Variants in ZNF676 observed in about 807,000 individuals in gnomAD.
ZNF676 encodes the protein zinc finger protein 676.
In ZNF676, 4 loss-of-function variants were observed where a neutral mutation model predicts 6.0. That is an observed-to-expected ratio of 0.67 (90% CI 0.33 to 1.53). The LOEUF (loss-of-function observed/expected upper bound fraction) is 1.53. Among genes scored for constraint, ZNF676 ranks in the 40% most tolerant of loss-of-function variants. The pLI, the probability that ZNF676 is intolerant of heterozygous loss-of-function variation, is 0.06. For synonymous variants in ZNF676, 198 were observed against 223.1 expected, an observed-to-expected ratio of 0.89 and a Z score of 1.00; for missense variants, 644 against 679.7, an observed-to-expected ratio of 0.95 and a Z score of 0.58.
chr19:22,230,228 C>T, the ZNF676 span, among the ~76,000 whole-genome samples: 1 of 152,138 alleles, frequency 6.6e-6, no homozygotes, highest in African/African-American at 2.4e-5. Context: ...AACCATAATT[C>T]TCAGCAAACT....
the ZNF676 span, among the ~76,000 whole-genome samples, chr19:22,252,862 C>T: frequency 6.6e-6 from 1 of 152,192 alleles, no homozygotes; most frequent in Non-Finnish European, 1.5e-5. Flanking sequence ...TGAGCCCAGG[C>T]AGGAGCATAA....
chr19:22,232,088 G>C, the ZNF676 span, among the ~76,000 whole-genome samples: 1 of 152,064 alleles, frequency 6.6e-6, no homozygotes, highest in East Asian at 1.9e-4. Flanking sequence ...CATTAGGCTT[G>C]CAAAATATAT....
At position 22,205,100 on chromosome 19, in the gene ZNF676, G is replaced by A. The variant is rs554315813; in HGVS notation, c.4-8374C>T. 2.0e-5 allele frequency among the ~76,000 whole-genome samples: 3 copies of A among 152,082 alleles called. No individual in the cohort carries two copies. In the South Asian group the frequency reaches 6.2e-4, roughly 32 times the overall value. On this transcript the variant is annotated intron_variant, in intron 1 of 3. Coordinates refer to the ZNF676 transcript ENST00000650058. ...GTGTGCACTTAAAAGAATGTTTATG[G>A]GGGGAAAAGCAGAAGAGAGAAAATT...
At chr19:22,188,007 T>C (rs2023861132) in intron 2 of ZNF676, among the ~76,000 whole-genome samples, 1 of 152,106 alleles carries the variant, frequency 6.6e-6, no homozygotes, top group Admixed American at 6.6e-5. Flanking sequence ...CCATAACTCA[T>C]TTTATGAGGC....
the ZNF676 span, among the ~76,000 whole-genome samples, chr19:22,257,106 A>T: frequency 6.6e-6 from 1 of 152,150 alleles, no homozygotes; most frequent in Non-Finnish European, 1.5e-5. Flanking sequence ...TGGGACAGGA[A>T]TATGTTGCAA....
chr19:22,237,160 G>C, the ZNF676 span, among the ~76,000 whole-genome samples: 1 of 152,278 alleles, frequency 6.6e-6, no homozygotes, highest in African/African-American at 2.4e-5. Flanking sequence ...ATCCCAATGT[G>C]CCTAAGCCTT....
chr19:22,197,737 T>A (rs1470935844), upstream of ZNF676, among the ~76,000 whole-genome samples: 1 of 152,146 alleles, frequency 6.6e-6, no homozygotes, highest in African/African-American at 2.4e-5. Context: ...AGATATTTAA[T>A]GATGAAGAGG....
At chr19:22,190,250 C>T (rs2023884883) in intron 2 of ZNF676, among the ~76,000 whole-genome samples, 1 of 152,172 alleles carries the variant, frequency 6.6e-6, no homozygotes, top group South Asian at 2.1e-4. Context: ...AACCATCATT[C>T]TCAGCAAACT....
chr19:22,193,927 T>C (rs1198991027), intron 1 of ZNF676, among the ~76,000 whole-genome samples: 1 of 152,148 alleles, frequency 6.6e-6, no homozygotes, highest in Non-Finnish European at 1.5e-5. Context: ...CACCTCCCAC[T>C]CTTTGATATA....
intron 1 of ZNF676, among the ~76,000 whole-genome samples, chr19:22,214,998 G>A (rs1224036590): frequency 7.4e-6 from 1 of 134,768 alleles, no homozygotes; most frequent in African/African-American, 2.7e-5. Flanking sequence ...CCAAGATTCC[G>A]CTACTGCACT....
the ZNF676 span, among the ~76,000 whole-genome samples, chr19:22,222,116 T>TG: frequency 6.6e-6 from 1 of 152,164 alleles, no homozygotes; most frequent in Non-Finnish European, 1.5e-5. Context: ...ATATTTTTTT[T>TG]TTCTTTGAGA....
the ZNF676 span, among the ~76,000 whole-genome samples, chr19:22,248,734 G>T: frequency 6.6e-6 from 1 of 151,844 alleles, no homozygotes; most frequent in Non-Finnish European, 1.5e-5. Context: ...TTGTTTGTTT[G>T]TTTGTTTGTT....
chr19:22,179,899 T>C lies in ZNF676; in HGVS notation c.*51A>G, dbSNP rs747177885. On this transcript the variant is annotated 3_prime_UTR_variant, in exon 3 of 3. Coordinates refer to ENST00000397121, the MANE Select transcript of ZNF676 (RefSeq NM_001001411.3). Reference sequence around the variant, plus strand: ...TTTCTCTCCAGTATGAATTTTCTTATGTTTACTAGACTGAGAATCAGCTGA... The same window carrying C: ...TTTCTCTCCAGTATGAATTTTCTTACGTTTACTAGACTGAGAATCAGCTGA... 1.1e-5 allele frequency: 17 copies of C among 1,575,952 alleles called. No individual in the cohort carries two copies. The Admixed American group carries it at 2.2e-4, about 21-fold the overall frequency.
intron 1 of ZNF676, among the ~76,000 whole-genome samples, chr19:22,212,396 T>C (rs755042704): frequency 5.9e-5 from 9 of 151,670 alleles, no homozygotes; most frequent in Non-Finnish European, 1.3e-4. Flanking sequence ...TAAGATGCAA[T>C]TTACAGTTAA....
At chr19:22,226,268 T>C in the ZNF676 span, among the ~76,000 whole-genome samples, 1 of 152,132 alleles carries the variant, frequency 6.6e-6, no homozygotes, top group Non-Finnish European at 1.5e-5. Context: ...TTATCATCTG[T>C]TTATCTGTCT....
At chr19:22,196,131 G>A (rs749473071) in intron 1 of ZNF676, among the ~76,000 whole-genome samples, 5 of 152,166 alleles carry the variant, frequency 3.3e-5, no homozygotes, top group Admixed American at 6.5e-5. Flanking sequence ...GTTGGGAGCT[G>A]AATGCCTGAG....
chr19:22,179,461 A>C lies in ZNF676; in HGVS notation c.*489T>G. 2.7e-6 allele frequency: 1 copy of C among 372,654 alleles called. No individual in the cohort carries two copies. The highest frequency in any genetic ancestry group is 5.3e-6 in the Non-Finnish European group (1 of 190,058). 23.1% of individuals were successfully genotyped at this position (372,654 alleles called of 1,614,324 possible). ...CCACACAATTATAGGAATTCCCTCCAGTATGAATTACATGAATGTTTAGTA... is the reference window on the plus strand; with the variant it reads ...CCACACAATTATAGGAATTCCCTCCCGTATGAATTACATGAATGTTTAGTA... On this transcript the variant is annotated 3_prime_UTR_variant, in exon 3 of 3. Transcript: ENST00000397121.
the ZNF676 span, among the ~76,000 whole-genome samples, chr19:22,251,249 T>G: frequency 6.6e-6 from 1 of 152,342 alleles, no homozygotes; most frequent in African/African-American, 2.4e-5. Context: ...AGGCCAACTA[T>G]AAGACTAAAG....
rs767760082 is a variant in ZNF676, at chr19:22,196,646, T to C, written c.-13A>G. On this transcript the variant is annotated 5_prime_UTR_variant, in exon 1 of 3. Transcript: ENST00000397121. ...AGTTCTCTAACATCACATTCCTATA[T>C]AAATTCTGCTGTGTAGAATCCAGGC... The C allele has an allele frequency of 1.2e-6, 2 of 1,613,720 alleles. No individual in the cohort carries two copies. The highest frequency in any genetic ancestry group is 8.5e-7 in the Non-Finnish European group (1 of 1,179,688).
Sources: allele counts gnomAD v4.1 joint callset (sites outside exome capture counted in the v4.1 genomes callset), GRCh38; gene constraint gnomAD v4.1.1; transcripts MANE v1.5; gene names NCBI Gene and HGNC (gene_info 2026-07-23, HGNC 2026-07-21).